MYOCD: variants seen among roughly 807,000 people sequenced by gnomAD.
MYOCD encodes the protein myocardin.
MYOCD carries 32 observed loss-of-function variants against 96.1 expected under a neutral mutation model. The observed-to-expected ratio is 0.33, with a 90% CI of 0.25 to 0.45. The LOEUF is 0.45. Ranked by LOEUF, MYOCD falls within the 20% of genes least tolerant of loss-of-function variation. The pLI, the probability that MYOCD is intolerant of heterozygous loss-of-function variation, is 1.00. For synonymous variants in MYOCD, 469 were observed against 469.0 expected (o/e 1.00, Z 0.00); for missense variants, 1,133 against 1,200.6 (o/e 0.94, Z 0.83).
intron 1 of MYOCD, among the ~76,000 whole-genome samples, chr17:12,680,575 T>TC (rs1326899706): frequency 1.3e-5 from 2 of 152,180 alleles, no homozygotes; most frequent in African/African-American, 2.4e-5. Flanking sequence ...CAGGTCCTTT[T>TC]CCCGGAGGCC....
intron 2 of MYOCD, chr17:12,710,546 C>G: frequency 1.0e-6 from 1 of 982,988 alleles, no homozygotes; most frequent in Non-Finnish European, 1.2e-6. Context: ...TTGGTAAATC[C>G]CTGAATTTTG....
At chr17:12,731,727 A>G (rs2032176889) in intron 5 of MYOCD, among the ~76,000 whole-genome samples, 1 of 152,226 alleles carries the variant, frequency 6.6e-6, no homozygotes, top group Non-Finnish European at 1.5e-5. Flanking sequence ...TGGTAGAACC[A>G]AAAAGCAAAC....
chr17:12,758,306 C>A, intron 12 of MYOCD, 93 bp downstream of exon 12: 1 of 1,575,466 alleles, frequency 6.3e-7, no homozygotes, highest in South Asian at 1.2e-5. Flanking sequence ...TTTGTAAATT[C>A]TGATATTGAG....
At chr17:12,733,991 C>A (rs1233710176) in intron 5 of MYOCD, among the ~76,000 whole-genome samples, 1 of 152,064 alleles carries the variant, frequency 6.6e-6, no homozygotes, top group African/African-American at 2.4e-5. Context: ...TACTCAGCCA[C>A]CTGCTATTTT....
intron 5 of MYOCD, among the ~76,000 whole-genome samples, chr17:12,735,527 AG>A (rs370409602): frequency 1.8e-4 from 27 of 152,204 alleles, no homozygotes; most frequent in African/African-American, 6.3e-4. Flanking sequence ...ATAAAAAATG[AG>A]GATCAAGCTG....
In MYOCD at chr17:12,764,591, T is replaced by C. The variant is rs567042459; in HGVS notation, c.*947T>C. 2 of 152,366 alleles carry C rather than the reference T, an allele frequency of 1.3e-5. No homozygotes were observed. The highest frequency in any genetic ancestry group is 2.1e-4 in the South Asian group (1 of 4,832). 9.4% of individuals were successfully genotyped at this position (152,366 alleles called of 1,614,324 possible). ...GAGAATAACATCATTTCACATACCC[T>C]GGGATAAACACCCTGGGTTCCTATA... On this transcript the variant is annotated 3_prime_UTR_variant, in exon 14 of 14. Transcript: ENST00000425538.
At position 12,756,541 on chromosome 17, in the gene MYOCD, C is replaced by T; in HGVS notation, c.2186C>T (p.Pro729Leu). The T allele has an allele frequency of 6.4e-7, 1 of 1,551,234 alleles. No homozygotes were observed. Residue 729 changes from proline (P) to leucine (L), a missense_variant, in exon 11 of 14, where the codon CCA (proline) becomes CTA (leucine). Physicochemically the swap from Pro to Leu is moderately conservative, Grantham distance 98. Coordinates refer to ENST00000425538, the MANE Select transcript of MYOCD (RefSeq NM_001146312.3). ...GGGGGAAACCCTTGTCCCAAAAGCCCATGTGTACAGCAAAAGGTAGGCACC... is the reference window on the plus strand; with the variant it reads ...GGGGGAAACCCTTGTCCCAAAAGCCTATGTGTACAGCAAAAGGTAGGCACC... ...GAGGNPCPKS[P>L]CVQQKMAGLH...
intron 2 of MYOCD, among the ~76,000 whole-genome samples, chr17:12,713,023 G>A (rs1467904675): frequency 1.3e-5 from 2 of 152,110 alleles, no homozygotes; most frequent in African/African-American, 2.4e-5. Context: ...TCAACCCCAG[G>A]CCCATGGCAG....
At chr17:12,715,164 A>G (rs2031600243) in intron 2 of MYOCD, among the ~76,000 whole-genome samples, 1 of 152,066 alleles carries the variant, frequency 6.6e-6, no homozygotes, top group South Asian at 2.1e-4. Context: ...AGAGGGTGGT[A>G]GTTACCCAAG....
chr17:12,723,722 G>A (rs2031915165), intron 5 of MYOCD, among the ~76,000 whole-genome samples: 1 of 152,234 alleles, frequency 6.6e-6, no homozygotes, highest in Admixed American at 6.5e-5. Flanking sequence ...GTATCAGGGA[G>A]AAAGGGGAGC....
intron 9 of MYOCD, among the ~76,000 whole-genome samples, chr17:12,747,867 T>TAA (rs57335981): frequency 5.5e-5 from 8 of 145,520 alleles, no homozygotes; most frequent in African/African-American, 5.0e-5. Flanking sequence ...GGATCCTATT[T>TAA]AAAAAAAAAA....
intron 6 of MYOCD, among the ~76,000 whole-genome samples, chr17:12,738,068 T>G (rs2032395893): frequency 6.6e-6 from 1 of 152,186 alleles, no homozygotes; most frequent in Non-Finnish European, 1.5e-5. Context: ...AGCTTCTGAT[T>G]TAAGAATGGT....
chr17:12,747,560 T>A (rs2032703880), intron 9 of MYOCD, among the ~76,000 whole-genome samples: 1 of 151,970 alleles, frequency 6.6e-6, no homozygotes, highest in East Asian at 1.9e-4. Context: ...TGTGGAGCAT[T>A]GAACCTAGAA....
chr17:12,692,952 T>C (rs1355931453), intron 1 of MYOCD, among the ~76,000 whole-genome samples: 1 of 152,172 alleles, frequency 6.6e-6, no homozygotes, highest in Non-Finnish European at 1.5e-5. Context: ...AACTCTGCAC[T>C]CTCTGGTCGC....
At chr17:12,700,399 ATTTTTTTT>A (rs952565560) in intron 1 of MYOCD, among the ~76,000 whole-genome samples, 29 of 76,888 alleles carry the variant, frequency 3.8e-4, no homozygotes, top group African/African-American at 1.6e-3. Flanking sequence ...CAATGGGAGA[ATTTTTTTT>A]TTTTTTTTTT....
chr17:12,669,562 A>G (rs947160925), intron 1 of MYOCD, among the ~76,000 whole-genome samples: 1 of 152,122 alleles, frequency 6.6e-6, no homozygotes, highest in African/African-American at 2.4e-5. Flanking sequence ...CTGAAATCCA[A>G]ATTTCACTAG....
chr17:12,736,523 AG>A (rs1451863309), intron 6 of MYOCD, among the ~76,000 whole-genome samples, 187 bp downstream of exon 6: 1 of 152,124 alleles, frequency 6.6e-6, no homozygotes, highest in East Asian at 1.9e-4. Context: ...GGGTGACAAA[AG>A]CTCCAGAAAA....
At chr17:12,708,398 CTT>C (rs879670933) in intron 2 of MYOCD, among the ~76,000 whole-genome samples, 2 of 146,136 alleles carry the variant, frequency 1.4e-5, no homozygotes. Flanking sequence ...AATAGAAATA[CTT>C]TTTTTTTTTT....
In MYOCD at chr17:12,765,739, T is replaced by A. The variant is rs2033321559; in HGVS notation, c.*2095T>A. On this transcript the variant is annotated 3_prime_UTR_variant, in exon 14 of 14. Coordinates refer to ENST00000425538, the MANE Select transcript of MYOCD (RefSeq NM_001146312.3). ...TGCCTCTCTGTGTATGACTAACGGC[T>A]CCAACCCGATGACTCACAGCTACTT... 1 of 152,138 alleles carries A rather than the reference T, an allele frequency of 6.6e-6. No individual in the cohort carries two copies. Among genetic ancestry groups the A allele is most frequent in the African/African-American group, 2.4e-5 (1 of 41,400 alleles). The allele number at this position is 152,138 out of a possible 1,614,324, so 9.4% of individuals were successfully genotyped here.
Sources: allele counts gnomAD v4.1 joint callset (sites outside exome capture counted in the v4.1 genomes callset), GRCh38; gene constraint gnomAD v4.1.1; transcripts MANE v1.5; gene names NCBI Gene and HGNC (gene_info 2026-07-23, HGNC 2026-07-21).